CCDC7: variants seen among roughly 807,000 people sequenced by gnomAD.
CCDC7 encodes coiled-coil domain-containing protein 7.
In CCDC7, 183 loss-of-function variants were observed where a neutral mutation model predicts 196.9. The observed-to-expected ratio is 0.93, with a 90% CI of 0.82 to 1.05. The LOEUF is 1.05. Among genes scored for constraint, CCDC7 ranks in the 50% least tolerant of loss-of-function variants. CCDC7 has a pLI of 0.00. For missense variants in CCDC7, 1,540 were observed against 1,482.2 expected (o/e 1.04, Z -0.64); for synonymous variants, 525 against 484.6 (o/e 1.08, Z -1.10).
upstream of CCDC7, among the ~76,000 whole-genome samples, chr10:32,444,998 C>T (rs2030632506): frequency 6.6e-6 from 1 of 151,978 alleles, no homozygotes; most frequent in South Asian, 2.1e-4. Context: ...GGATTACAGG[C>T]ACCCGCCATC....
At chr10:32,760,968 G>T (rs1331239006) in intron 28 of CCDC7, among the ~76,000 whole-genome samples, 1 of 151,886 alleles carries the variant, frequency 6.6e-6, no homozygotes, top group African/African-American at 2.4e-5. Flanking sequence ...TTGTGTGCTA[G>T]TCATGGTGAT....
intron 8 of CCDC7, among the ~76,000 whole-genome samples, chr10:32,476,915 T>C (rs73251530): frequency 0.05 from 7,611 of 152,304 alleles, 624 homozygotes; most frequent in African/African-American, 0.17. Context: ...CGTTTTCTTA[T>C]TGTTGAGTTT....
chr10:32,750,033 A>AT (rs1207933352), intron 28 of CCDC7, among the ~76,000 whole-genome samples: 1 of 152,136 alleles, frequency 6.6e-6, no homozygotes, highest in Non-Finnish European at 1.5e-5. Flanking sequence ...ATATTCAACT[A>AT]TTTTTGACCT....
At position 32,520,116 on chromosome 10, in the gene CCDC7, C is replaced by T. The variant is rs376245848; in HGVS notation, c.993+1611C>T. Among the ~76,000 whole-genome samples, 30 of 152,146 alleles carry T rather than the reference C, an allele frequency of 2.0e-4. No homozygotes were observed. The East Asian group carries it at 2.5e-3, about 13-fold the overall frequency. On this transcript the variant is annotated intron_variant, in intron 11 of 41. Transcript: ENST00000639629. ...ATTACGTTTTCTTTTTCCAGTCATA[C>T]GCTGATGGACACAGAGGTTGCTTCC...
In CCDC7 at chr10:32,698,824, C is replaced by A. The variant is rs544578892; in HGVS notation, c.2458+3832C>A. On this transcript the variant is annotated intron_variant, in intron 24 of 41. Transcript: ENST00000639629. ...AACTTCCCCAACCTAGCAAGGCAGG[C>A]CAACATTCAAATTCAGGAAACACAG... is the stretch of plus-strand genomic sequence containing the variant. Among the ~76,000 whole-genome samples, 108 of 152,250 alleles carry A rather than the reference C, an allele frequency of 7.1e-4. 2 individuals carry two copies. The highest frequency in any genetic ancestry group is 6.8e-3 in the Admixed American group (104 of 15,280).
chr10:32,674,663 T>C (rs2074621960), intron 21 of CCDC7, among the ~76,000 whole-genome samples: 1 of 152,092 alleles, frequency 6.6e-6, no homozygotes, highest in African/African-American at 2.4e-5. Flanking sequence ...ATCTATCCAT[T>C]TTTGAAAGTG....
chr10:32,814,599 A>C (rs987238932), intron 31 of CCDC7, 146 bp downstream of exon 32: 3 of 571,084 alleles, frequency 5.3e-6, no homozygotes, highest in African/African-American at 3.7e-5. Context: ...ATAATATTTC[A>C]ACTCTAGTTT....
intron 9 of CCDC7, among the ~76,000 whole-genome samples, chr10:32,498,766 G>A (rs1021614081): frequency 2.0e-5 from 3 of 151,660 alleles, no homozygotes; most frequent in African/African-American, 7.3e-5. Context: ...TTAGTCTGAT[G>A]GGCTTCCTTT....
At chr10:32,778,917 G>A (rs1279160615) in intron 28 of CCDC7, 60 bp from the exon 30 acceptor site, 2 of 1,228,020 alleles carry the variant, frequency 1.6e-6, no homozygotes, top group Admixed American at 2.0e-5. Context: ...GCATTGCTAG[G>A]TGTTTCACAA....
intron 25 of CCDC7, among the ~76,000 whole-genome samples, chr10:32,718,568 A>G (rs754371297): frequency 1.3e-5 from 2 of 152,224 alleles, no homozygotes; most frequent in Non-Finnish European, 2.9e-5. Context: ...AAATAGGATG[A>G]GAGGAAGTCA....
At chr10:32,573,671 A>C (rs1429636898) in intron 16 of CCDC7, among the ~76,000 whole-genome samples, 1 of 152,236 alleles carries the variant, frequency 6.6e-6, no homozygotes, top group Admixed American at 6.5e-5. Flanking sequence ...AATATAGTAC[A>C]TCAAGATTAA....
intron 24 of CCDC7, among the ~76,000 whole-genome samples, chr10:32,706,440 G>A (rs2079768510): frequency 6.6e-6 from 1 of 152,064 alleles, no homozygotes; most frequent in South Asian, 2.1e-4. Context: ...ACATTCAAAA[G>A]CTAGCAGAAA....
intron 18 of CCDC7, among the ~76,000 whole-genome samples, chr10:32,588,891 T>C (rs1366665174): frequency 6.6e-6 from 1 of 152,074 alleles, no homozygotes; most frequent in Non-Finnish European, 1.5e-5. Flanking sequence ...GGGTACCTAG[T>C]TGGTGTATAT....
At chr10:32,787,700 A>G (rs773505116) in intron 29 of CCDC7, among the ~76,000 whole-genome samples, 3 of 151,994 alleles carry the variant, frequency 2.0e-5, no homozygotes, top group African/African-American at 7.2e-5. Flanking sequence ...GCCCACCCCA[A>G]TGCCAGGCCA....
intron 23 of CCDC7, among the ~76,000 whole-genome samples, chr10:32,690,135 C>T (rs559473277): frequency 6.6e-6 from 1 of 152,256 alleles, no homozygotes; most frequent in African/African-American, 2.4e-5. Flanking sequence ...GCATTTTATC[C>T]AGGTACTAAG....
intron 9 of CCDC7, among the ~76,000 whole-genome samples, chr10:32,510,258 C>A (rs1232532737): frequency 6.6e-6 from 1 of 152,106 alleles, no homozygotes; most frequent in East Asian, 1.9e-4. Context: ...GTGAAAGAAT[C>A]CAGGCACAGA....
At chr10:32,758,976 G>A (rs2076957728) in intron 28 of CCDC7, among the ~76,000 whole-genome samples, 2 of 152,116 alleles carry the variant, frequency 1.3e-5, no homozygotes, top group South Asian at 4.1e-4. Flanking sequence ...CAAATCATGA[G>A]TGAACTCCCA....
At chr10:32,530,108 C>G (rs1288707134) in intron 11 of CCDC7, among the ~76,000 whole-genome samples, 1 of 152,076 alleles carries the variant, frequency 6.6e-6, no homozygotes, top group East Asian at 1.9e-4. Flanking sequence ...TCTGGGTTCT[C>G]CATTTTGTAC....
At chr10:32,633,362 T>G (rs762981447) in intron 18 of CCDC7, among the ~76,000 whole-genome samples, 3 of 152,234 alleles carry the variant, frequency 2.0e-5, no homozygotes, top group African/African-American at 2.4e-5. Flanking sequence ...ATTCTTGCCT[T>G]CCTTCATTTT....
Sources: allele counts gnomAD v4.1 joint callset (sites outside exome capture counted in the v4.1 genomes callset), GRCh38; gene constraint gnomAD v4.1.1; transcripts MANE v1.5; gene names NCBI Gene and HGNC (gene_info 2026-07-23, HGNC 2026-07-21).